Variants in FLI1 observed in about 807,000 individuals in gnomAD.
The protein encoded by FLI1 is Friend leukemia integration 1 transcription factor.
Under a neutral mutation model 53.1 loss-of-function variants are expected in FLI1, and 13 were observed. The observed-to-expected ratio is 0.24, with a 90% CI of 0.16 to 0.39. FLI1 has a LOEUF of 0.39. Ranked by LOEUF, FLI1 falls within the 10% of genes least tolerant of loss-of-function variation. The pLI, the probability that FLI1 is intolerant of heterozygous loss-of-function variation, is 1.00. For synonymous variants in FLI1, 244 were observed against 236.7 expected (o/e 1.03, Z -0.28); for missense variants, 424 against 600.5 (o/e 0.71, Z 3.07).
At chr11:128,764,732 T>C (rs1941263268) in intron 2 of FLI1, 3 of 1,571,422 alleles carry the variant, frequency 1.9e-6, no homozygotes, top group Non-Finnish European at 2.6e-6. Flanking sequence ...TGGAGCCCCA[T>C]GGCCGCACGC....
intron 1 of FLI1, among the ~76,000 whole-genome samples, chr11:128,732,388 A>G (rs1939736852): frequency 6.6e-6 from 1 of 152,344 alleles, no homozygotes; most frequent in Non-Finnish European, 1.5e-5. Context: ...TGCTAAATAA[A>G]AACTTTGAAA....
chr11:128,722,665 A>G (rs1939301849), intron 1 of FLI1, among the ~76,000 whole-genome samples: 1 of 152,260 alleles, frequency 6.6e-6, no homozygotes, highest in South Asian at 2.1e-4. Flanking sequence ...AACAAAAATG[A>G]CAGTCCTTGA....
At chr11:128,783,540 A>T (rs1397821180) in intron 5 of FLI1, among the ~76,000 whole-genome samples, 1 of 152,128 alleles carries the variant, frequency 6.6e-6, no homozygotes, top group East Asian at 1.9e-4. Flanking sequence ...ATTTCTATGG[A>T]TTCATTCTAC....
chr11:128,810,497 C>T lies in FLI1; in HGVS notation c.868C>T (p.Leu290=), dbSNP rs1174929544. Residue 290 remains leucine, a synonymous_variant, in exon 9 of 9, where the codon CTG becomes TTG. Transcript: ENST00000527786. This position sits in a 1 kb window ranked among gnomAD's most constrained non-coding sequence, Gnocchi z 6.6. ...CCAGCTGTGGCAATTCCTCCTGGAGCTGCTCTCCGACAGCGCCAACGCCAG... is the reference window on the plus strand; with the variant it reads ...CCAGCTGTGGCAATTCCTCCTGGAGTTGCTCTCCGACAGCGCCAACGCCAG... The part of the protein sequence containing the change: ...QIQLWQFLLE[L]LSDSANASCI... 6.2e-7 allele frequency: 1 copy of T among 1,604,500 alleles called. No homozygotes were observed. Among genetic ancestry groups the T allele is most frequent in the Non-Finnish European group, 8.5e-7 (1 of 1,175,348 alleles).
At chr11:128,756,350 T>G (rs1013646256) in intron 1 of FLI1, among the ~76,000 whole-genome samples, 2 of 152,148 alleles carry the variant, frequency 1.3e-5, no homozygotes, top group African/African-American at 4.8e-5. Context: ...CACACTCCCC[T>G]GGGGGCTCTC....
intron 1 of FLI1, among the ~76,000 whole-genome samples, chr11:128,723,270 T>C (rs1235450131): frequency 6.6e-6 from 1 of 151,932 alleles, no homozygotes; most frequent in Admixed American, 6.5e-5. Flanking sequence ...GAGGAGCAAG[T>C]GGGGGCTCAG....
chr11:128,745,687 G>A (rs560024271), intron 1 of FLI1, among the ~76,000 whole-genome samples: 127 of 152,336 alleles, frequency 8.3e-4, no homozygotes, highest in African/African-American at 2.9e-3. Flanking sequence ...TCATCTGTGC[G>A]TCGAGTTGAA....
chr11:128,744,033 T>C (rs774618929), intron 1 of FLI1, among the ~76,000 whole-genome samples: 2 of 152,108 alleles, frequency 1.3e-5, no homozygotes, highest in African/African-American at 4.8e-5. Context: ...GTCTGAGCTC[T>C]GTGATGAGAG....
chr11:128,708,310 C>T (rs1024524053), intron 1 of FLI1, among the ~76,000 whole-genome samples: 1 of 152,212 alleles, frequency 6.6e-6, no homozygotes, highest in African/African-American at 2.4e-5. Context: ...TGGCATTTTC[C>T]ATATGCTAAC....
At chr11:128,763,984 G>A (rs551795001) in intron 2 of FLI1, among the ~76,000 whole-genome samples, 3 of 152,290 alleles carry the variant, frequency 2.0e-5, no homozygotes, top group Admixed American at 1.3e-4. Context: ...TGCATACTAC[G>A]CAGGAGTTAC....
chr11:128,732,622 G>A (rs138976968), intron 1 of FLI1, among the ~76,000 whole-genome samples: 34 of 152,250 alleles, frequency 2.2e-4, no homozygotes, highest in African/African-American at 7.2e-4. Context: ...CGTTAAGGCC[G>A]GATAGATACA....
Position 128,810,353 on chromosome 11 carries a change from A to G in FLI1, c.830-106A>G. On this transcript the variant is annotated intron_variant, in intron 8 of 8. Transcript: ENST00000527786. This position sits in a 1 kb window ranked among gnomAD's most constrained non-coding sequence, Gnocchi z 6.6. ...TCGATCCCAATGTCGAAGGAAACAA[A>G]AGGTTTCTTTAAAAGGATGAGAAGC... 1 of 1,137,256 alleles carries G rather than the reference A, an allele frequency of 8.8e-7. No homozygotes were observed. Among genetic ancestry groups the G allele is most frequent in the South Asian group, 1.5e-5 (1 of 67,116 alleles). 70.4% of individuals were successfully genotyped at this position (1,137,256 alleles called of 1,614,324 possible).
At chr11:128,799,260 G>A (rs1942553292) in intron 5 of FLI1, among the ~76,000 whole-genome samples, 1 of 151,816 alleles carries the variant, frequency 6.6e-6, no homozygotes, top group Admixed American at 6.6e-5. Flanking sequence ...AGGAGCACAG[G>A]AATAAAACTG....
At chr11:128,741,731 C>G (rs539862051) in intron 1 of FLI1, among the ~76,000 whole-genome samples, 4 of 152,330 alleles carry the variant, frequency 2.6e-5, no homozygotes, top group South Asian at 2.1e-4. Context: ...GCCCCTCCCC[C>G]CGATTCCTGC....
chr11:128,752,660 T>C (rs1940697499), intron 1 of FLI1, among the ~76,000 whole-genome samples: 1 of 152,254 alleles, frequency 6.6e-6, no homozygotes, highest in South Asian at 2.1e-4. Context: ...TCTGTGTGCC[T>C]GAGCAAGTTA....
chr11:128,748,644 A>AT (rs1483359059), intron 1 of FLI1, among the ~76,000 whole-genome samples: 1 of 151,902 alleles, frequency 6.6e-6, no homozygotes, highest in East Asian at 1.9e-4. Context: ...AAAAAAAAAA[A>AT]GAAAGAAAGA....
intron 5 of FLI1, among the ~76,000 whole-genome samples, chr11:128,800,774 C>T (rs1942613670): frequency 6.6e-6 from 1 of 152,166 alleles, no homozygotes; most frequent in South Asian, 2.1e-4. Flanking sequence ...CTGAATTATC[C>T]ACAATGGCTG....
intron 5 of FLI1, among the ~76,000 whole-genome samples, chr11:128,792,919 T>G (rs1256855744): frequency 6.6e-6 from 1 of 151,964 alleles, no homozygotes; most frequent in African/African-American, 2.4e-5. Flanking sequence ...GAGTTCAAGA[T>G]CAGCCCTGGC....
chr11:128,779,933 T>C (rs566157610), intron 4 of FLI1, among the ~76,000 whole-genome samples: 4 of 152,250 alleles, frequency 2.6e-5, no homozygotes, highest in Non-Finnish European at 4.4e-5. Flanking sequence ...AGCATGTTAT[T>C]GTACTGAATA....
Sources: allele counts gnomAD v4.1 joint callset (sites outside exome capture counted in the v4.1 genomes callset), GRCh38; gene constraint gnomAD v4.1.1; non-coding constraint Gnocchi (gnomAD v3.1); transcripts MANE v1.5; gene names NCBI Gene and HGNC (gene_info 2026-07-23, HGNC 2026-07-21).